Variants in TMEM184B observed in about 807,000 individuals in gnomAD.
TMEM184B encodes the protein putative MAPK-activating protein FM08.
In TMEM184B, 17 loss-of-function variants were observed where a neutral mutation model predicts 41.8. The ratio of observed to expected loss-of-function variants is 0.41; its 90% CI spans 0.28 to 0.61. The LOEUF (loss-of-function observed/expected upper bound fraction) is 0.61. Ranked by LOEUF, TMEM184B falls within the 20% of genes least tolerant of loss-of-function variation. The probability of loss-of-function intolerance (pLI) is 0.34; values close to 1 mark genes in which losing one functional copy is unlikely to be tolerated. For missense variants in TMEM184B, 393 were observed against 557.8 expected, an observed-to-expected ratio of 0.70 and a Z score of 2.98; for synonymous variants, 240 against 229.5, an observed-to-expected ratio of 1.05 and a Z score of -0.41.
chr22:38,247,923 C>T lies in TMEM184B; in HGVS notation c.39G>A (p.Ala13=), dbSNP rs376870547. The T allele has an allele frequency of 1.0e-5, 16 of 1,597,908 alleles. No homozygotes were observed. Among genetic ancestry groups the T allele is most frequent in the Middle Eastern group, 1.8e-4 (1 of 5,674 alleles). The change falls in exon 2 of 9, where the codon GCG becomes GCA. Residue 13 remains alanine (A), a synonymous_variant. Coordinates refer to ENST00000361906, the MANE Select transcript of TMEM184B (RefSeq NM_012264.5). ...VRGDVLAPDP[A]SPTTAAASPS... ...GCGAGGCTGCTGCGGTCGTGGGCGA[C>T]GCTGGATCCGGGGCCAGCACATCCC... is the stretch of plus-strand genomic sequence containing the variant.
Position 38,252,062 on chromosome 22 carries a change from AT to A in TMEM184B, c.-58-4044del, listed in dbSNP as rs61385474. Among the ~76,000 whole-genome samples the A allele has an allele frequency of 4.0e-3, 572 of 142,440 alleles. 1 individual carries two copies. The highest frequency in any genetic ancestry group is 4.7e-3 in the African/African-American group (182 of 38,498). 93.4% of individuals were successfully genotyped at this position (142,440 alleles called of 152,430 possible). A position where few individuals can be genotyped will look rare whatever the true frequency, so the allele number is the denominator to read the frequency against. On this transcript the variant is annotated intron_variant, in intron 1 of 8. Coordinates refer to ENST00000361906, the MANE Select transcript of TMEM184B (RefSeq NM_012264.5). ...AGGCATGTGCCACCATGTCCAACAA[AT>A]TTTTTTTTTTTTTTGAGACAGAGCT...
chr22:38,254,846 A>G (rs1361288570), intron 1 of TMEM184B, among the ~76,000 whole-genome samples: 1 of 143,866 alleles, frequency 7.0e-6, no homozygotes, highest in Non-Finnish European at 1.5e-5. Context: ...CAACTTTGGC[A>G]CTTTCTTTTT....
Position 38,225,964 on chromosome 22 carries a change from T to C in TMEM184B, c.618-371A>G, listed in dbSNP as rs1338161491. 6.6e-6 allele frequency among the ~76,000 whole-genome samples: 1 copy of C among 152,040 alleles called. No homozygotes were observed. The highest frequency in any genetic ancestry group is 1.5e-5 in the Non-Finnish European group (1 of 68,038). ...TCAGCTCTGCTGCCTTTTCACTCGG[T>C]CGGCTGCATCCCCCTGACCTCCTTT... On this transcript the variant is annotated intron_variant, in intron 6 of 8. Coordinates refer to ENST00000361906, the MANE Select transcript of TMEM184B (RefSeq NM_012264.5). The surrounding 1 kb of genome is among the most constrained non-coding windows in gnomAD (Gnocchi z 4.4).
intron 1 of TMEM184B, among the ~76,000 whole-genome samples, chr22:38,263,280 A>C (rs780865249): frequency 6.6e-6 from 1 of 152,070 alleles, no homozygotes; most frequent in South Asian, 2.1e-4. Flanking sequence ...GCAAACAAGC[A>C]ATCTCCCATG....
In TMEM184B at chr22:38,230,692, C is replaced by G; in HGVS notation, c.502G>C (p.Gly168Arg). The G allele has an allele frequency of 1.2e-6, 2 of 1,612,174 alleles. No individual in the cohort carries two copies. The highest frequency in any genetic ancestry group is 1.7e-6 in the Non-Finnish European group (2 of 1,179,302). Residue 168 changes from glycine to arginine, a missense_variant, in exon 5 of 9, where the codon GGA becomes CGA. Physicochemically the swap from Gly to Arg is moderately radical, Grantham distance 125 (BLOSUM62 -2). Around this residue, in one of 2 missense-constraint regions of TMEM184B, gnomAD observed 271 missense variants for 434.1 expected, o/e 0.62. Coordinates refer to ENST00000361906, the MANE Select transcript of TMEM184B (RefSeq NM_012264.5). ...CCLWGKTYSI[G>R]FLRFCKQATL... ...ACCTGTTTGCAGAACCTCAGAAATC[C>G]GATGGAATAAGTCTTTCCCCAGAGG...
rs557135070 is a variant in TMEM184B, at chr22:38,250,629, G to A, written c.-58-2610C>T. Among the ~76,000 whole-genome samples the A allele has an allele frequency of 3.3e-5, 5 of 152,290 alleles. No individual in the cohort carries two copies. The South Asian group carries it at 1.0e-3, about 32-fold the overall frequency. On this transcript the variant is annotated intron_variant, in intron 1 of 8. Coordinates refer to ENST00000361906, the MANE Select transcript of TMEM184B (RefSeq NM_012264.5). Reference sequence around the variant, plus strand: ...TCCCAAATTAAATGAATAAACATGGGGAATTGTGGGGGGACCAAAGGAAGT... The same window carrying A: ...TCCCAAATTAAATGAATAAACATGGAGAATTGTGGGGGGACCAAAGGAAGT...
chr22:38,268,199 G>C (rs2092471221), intron 1 of TMEM184B, among the ~76,000 whole-genome samples: 1 of 151,944 alleles, frequency 6.6e-6, no homozygotes, highest in African/African-American at 2.4e-5. Flanking sequence ...TGGCTAACAT[G>C]GTGAAACCCC....
At chr22:38,269,377 T>C (rs967066538) in intron 1 of TMEM184B, among the ~76,000 whole-genome samples, 3 of 152,202 alleles carry the variant, frequency 2.0e-5, no homozygotes, top group Non-Finnish European at 2.9e-5. Flanking sequence ...TGTGCCACCA[T>C]GCCTGGCAAA....
chr22:38,226,993 G>A lies in TMEM184B; in HGVS notation c.526-123C>T. Reference sequence around the variant, plus strand: ...CAGAGAGGATGAAGGAGACGGAGAGGACGGAGGGATGGAGGGACGGAGGGG... The same window carrying A: ...CAGAGAGGATGAAGGAGACGGAGAGAACGGAGGGATGGAGGGACGGAGGGG... On this transcript the variant is annotated intron_variant, in intron 5 of 8. Transcript: ENST00000361906. This position sits in a 1 kb window ranked among gnomAD's most constrained non-coding sequence, Gnocchi z 4.6. 1.0e-6 allele frequency: 1 copy of A among 994,840 alleles called. No individual in the cohort carries two copies. Among genetic ancestry groups the A allele is most frequent in the Non-Finnish European group, 1.5e-6 (1 of 664,670 alleles). The allele number at this position is 994,840 out of a possible 1,614,324, so 61.6% of individuals were successfully genotyped here.
At chr22:38,250,911 T>C (rs2092147686) in intron 1 of TMEM184B, among the ~76,000 whole-genome samples, 1 of 152,170 alleles carries the variant, frequency 6.6e-6, no homozygotes, top group African/African-American at 2.4e-5. Flanking sequence ...ATATAGGTCG[T>C]TTATTTCACA....
intron 3 of TMEM184B, among the ~76,000 whole-genome samples, chr22:38,242,659 G>A (rs189682282): frequency 1.3e-5 from 2 of 152,306 alleles, no homozygotes; most frequent in Non-Finnish European, 2.9e-5. Flanking sequence ...GATCGGGGGG[G>A]ACTGCCCCAT....
At chr22:38,233,681 C>T (rs950629090) in intron 3 of TMEM184B, among the ~76,000 whole-genome samples, 4 of 152,216 alleles carry the variant, frequency 2.6e-5, no homozygotes, top group African/African-American at 9.6e-5. Flanking sequence ...TGTTCAAAAC[C>T]TCACAAGGCC....
intron 1 of TMEM184B, among the ~76,000 whole-genome samples, chr22:38,266,201 G>T (rs998652626): frequency 6.6e-5 from 10 of 152,192 alleles, no homozygotes; most frequent in Non-Finnish European, 1.5e-4. Context: ...AGAGGAGGCT[G>T]GAGTCTTCAG....
chr22:38,226,492 C>G lies in TMEM184B; in HGVS notation c.617+287G>C. 2.7e-6 allele frequency: 1 copy of G among 376,140 alleles called. No individual in the cohort carries two copies. Among genetic ancestry groups the G allele is most frequent in the Non-Finnish European group, 5.1e-6 (1 of 195,984 alleles). 23.3% of individuals were successfully genotyped at this position (376,140 alleles called of 1,614,324 possible). On this transcript the variant is annotated intron_variant, in intron 6 of 8. Coordinates refer to ENST00000361906, the MANE Select transcript of TMEM184B (RefSeq NM_012264.5). This position sits in a 1 kb window ranked among gnomAD's most constrained non-coding sequence, Gnocchi z 4.6. ...CTCTTGGGGCTCTGACCCTCTCGCT[C>G]CCTGCCTCAGCAGTGGTCACTGTCC... is the stretch of plus-strand genomic sequence containing the variant.
At chr22:38,260,670 T>C (rs2145762426) in intron 1 of TMEM184B, among the ~76,000 whole-genome samples, 1 of 152,204 alleles carries the variant, frequency 6.6e-6, no homozygotes, top group South Asian at 2.1e-4. Flanking sequence ...GACGGAATAA[T>C]GAGTGAACAC....
intron 3 of TMEM184B, 125 bp downstream of exon 3, chr22:38,245,810 T>C (rs1246855688): frequency 1.3e-5 from 13 of 989,226 alleles, no homozygotes; most frequent in East Asian, 1.1e-4. Context: ...AACCCTGTAG[T>C]AGGTAAAGCA....
chr22:38,262,524 G>C (rs1375774653), intron 1 of TMEM184B, among the ~76,000 whole-genome samples: 1 of 152,246 alleles, frequency 6.6e-6, no homozygotes, highest in Non-Finnish European at 1.5e-5. Flanking sequence ...TGCGGCTCAA[G>C]AAGAGGCCCA....
Position 38,219,354 on chromosome 22 carries a change from T to C in TMEM184B, c.*2115A>G. 1 of 985,834 alleles carries C rather than the reference T, an allele frequency of 1.0e-6. No individual in the cohort carries two copies. Among genetic ancestry groups the C allele is most frequent in the South Asian group, 4.7e-5 (1 of 21,290 alleles). 61.1% of individuals were successfully genotyped at this position (985,834 alleles called of 1,614,324 possible). A position where few individuals can be genotyped will look rare whatever the true frequency, so the allele number is the denominator to read the frequency against. On this transcript the variant is annotated 3_prime_UTR_variant, in exon 9 of 9. Coordinates refer to ENST00000361906, the MANE Select transcript of TMEM184B (RefSeq NM_012264.5). The stretch of plus-strand genomic sequence containing the variant: ...TTCTTCCTCACTTTATTTGCTCACT[T>C]CTGTCACGCATTTAAAATGTCACAG...
intron 3 of TMEM184B, among the ~76,000 whole-genome samples, chr22:38,243,542 C>T (rs1054350740): frequency 1.3e-5 from 2 of 152,192 alleles, no homozygotes; most frequent in African/African-American, 2.4e-5. Context: ...CCCCACACTT[C>T]GCCAATTCCA....
Sources: allele counts gnomAD v4.1 joint callset (sites outside exome capture counted in the v4.1 genomes callset), GRCh38; gene constraint gnomAD v4.1.1; regional missense constraint gnomAD v4.1.1; non-coding constraint Gnocchi (gnomAD v3.1); transcripts MANE v1.5; gene names NCBI Gene and HGNC (gene_info 2026-07-23, HGNC 2026-07-21).